Variants in CSNK2A2 observed in about 807,000 individuals in gnomAD.
CSNK2A2 encodes casein kinase II subunit alpha'.
In CSNK2A2, 8 loss-of-function variants were observed where a neutral mutation model predicts 54.0. The observed-to-expected ratio is 0.15, with a 90% CI of 0.09 to 0.27. The LOEUF (loss-of-function observed/expected upper bound fraction) is 0.27. Ranked by LOEUF, CSNK2A2 falls within the 10% of genes least tolerant of loss-of-function variation. The pLI is 1.00. For missense variants in CSNK2A2, 242 were observed against 439.4 expected (o/e 0.55, Z 4.02); for synonymous variants, 141 against 153.9 (o/e 0.92, Z 0.62).
intron 9 of CSNK2A2, among the ~76,000 whole-genome samples, chr16:58,165,915 G>A (rs1448242579): frequency 1.3e-5 from 2 of 152,096 alleles, no homozygotes; most frequent in African/African-American, 4.8e-5. Flanking sequence ...ATACAACTAG[G>A]TAAAACTTCT....
intron 4 of CSNK2A2, among the ~76,000 whole-genome samples, chr16:58,181,641 G>T (rs768666606): frequency 5.3e-5 from 8 of 152,170 alleles, no homozygotes; most frequent in African/African-American, 1.9e-4. Context: ...AAAAGAACAG[G>T]ATACTATTTT....
chr16:58,179,725 T>C (rs1961978417), intron 4 of CSNK2A2, among the ~76,000 whole-genome samples: 1 of 152,136 alleles, frequency 6.6e-6, no homozygotes, highest in Admixed American at 6.5e-5. Flanking sequence ...TCCATAACCA[T>C]GGGATACACG....
chr16:58,165,836 T>G, intron 9 of CSNK2A2, 128 bp from the exon 10 acceptor site: 1 of 990,492 alleles, frequency 1.0e-6, no homozygotes, highest in East Asian at 2.7e-5. Context: ...CTCTAACTGG[T>G]GCCTGCCCTA....
chr16:58,182,411 C>T (rs1962072629), intron 4 of CSNK2A2, among the ~76,000 whole-genome samples: 1 of 116,924 alleles, frequency 8.6e-6, no homozygotes, highest in Non-Finnish European at 1.7e-5. Flanking sequence ...AAAAACTAGC[C>T]AGGCGTGGTG....
At chr16:58,165,849 G>T in intron 9 of CSNK2A2, 141 bp from the exon 10 acceptor site, 1 of 784,324 alleles carries the variant, frequency 1.3e-6, no homozygotes, top group Non-Finnish European at 1.9e-6. Flanking sequence ...CTGCCCTACG[G>T]CCCCATAGTT....
chr16:58,174,025 G>C (rs891502403), intron 5 of CSNK2A2: 2 of 153,480 alleles, frequency 1.3e-5, no homozygotes, highest in African/African-American at 4.8e-5. Flanking sequence ...CCTAGATTGT[G>C]AATGAGGTCA....
At chr16:58,188,349 T>C (rs1962244007) in intron 2 of CSNK2A2, among the ~76,000 whole-genome samples, 1 of 152,162 alleles carries the variant, frequency 6.6e-6, no homozygotes, top group Non-Finnish European at 1.5e-5. Flanking sequence ...CCTTAGTCCC[T>C]TTTTCATTAA....
At chr16:58,189,759 G>C (rs1597124508) in intron 2 of CSNK2A2, among the ~76,000 whole-genome samples, 1 of 152,120 alleles carries the variant, frequency 6.6e-6, no homozygotes, top group East Asian at 1.9e-4. Flanking sequence ...AAAATACCAA[G>C]AAATGATAAA....
At chr16:58,174,830 T>C (rs1961834272) in intron 4 of CSNK2A2, among the ~76,000 whole-genome samples, 1 of 152,184 alleles carries the variant, frequency 6.6e-6, no homozygotes, top group South Asian at 2.1e-4. Flanking sequence ...GAAGTCTAAG[T>C]TGTCTGTCTT....
At chr16:58,174,234 T>A (rs140428723) in intron 5 of CSNK2A2, 34 of 457,430 alleles carry the variant, frequency 7.4e-5, no homozygotes, top group African/African-American at 6.5e-4. Flanking sequence ...AGGTATAATG[T>A]CCCTGGTACC....
In CSNK2A2 at chr16:58,182,640, G is replaced by A. The variant is rs144595472; in HGVS notation, c.369+1620C>T. On this transcript the variant is annotated intron_variant, in intron 4 of 11. Coordinates refer to ENST00000262506, the MANE Select transcript of CSNK2A2 (RefSeq NM_001896.4). ...AGACAATTGGTAAAAACTCATTAAC[G>A]AAGCCCAGGCATTTAAAACTTGGGG... 4.1e-3 allele frequency among the ~76,000 whole-genome samples: 625 copies of A among 151,342 alleles called. 6 individuals are homozygous for A. The highest frequency in any genetic ancestry group is 0.014 in the African/African-American group (585 of 41,168).
intron 11 of CSNK2A2, chr16:58,162,665 T>C (rs892393793): frequency 6.6e-6 from 1 of 152,254 alleles, no homozygotes; most frequent in Non-Finnish European, 1.5e-5. Flanking sequence ...CCTCTAGTTC[T>C]AGCCTAGGTG....
rs549501546 is a variant in CSNK2A2, at chr16:58,173,341, T to C, written c.429+1110A>G. 4.6e-5 allele frequency among the ~76,000 whole-genome samples: 7 copies of C among 152,268 alleles called. 1 individual carries two copies. The South Asian group carries it at 1.5e-3, about 32-fold the overall frequency. The stretch of plus-strand genomic sequence containing the variant: ...ACAAGTTCTTATAAAAACACATTCA[T>C]TTCATAGAACTGTTCTTAAGATCTA... On this transcript the variant is annotated intron_variant, in intron 5 of 11. Transcript: ENST00000262506.
In CSNK2A2 at chr16:58,167,191, G is replaced by T. The variant is rs756919461; in HGVS notation, c.726+16C>A. On this transcript the variant is annotated intron_variant, in intron 8 of 11. Coordinates refer to ENST00000262506, the MANE Select transcript of CSNK2A2 (RefSeq NM_001896.4). Reference sequence around the variant, plus strand: ...TTCACCCCCAAATAAATAAGAACCAGAAAGCATTTGCTCACCTGGTCATAG... The same window carrying T: ...TTCACCCCCAAATAAATAAGAACCATAAAGCATTTGCTCACCTGGTCATAG... 1.9e-6 allele frequency: 3 copies of T among 1,588,062 alleles called. No homozygotes were observed. In the African/African-American group the frequency reaches 4.1e-5, roughly 22 times the overall value.
At chr16:58,181,641 G>C (rs768666606) in intron 4 of CSNK2A2, among the ~76,000 whole-genome samples, 19 of 152,052 alleles carry the variant, frequency 1.2e-4, no homozygotes, top group Non-Finnish European at 2.5e-4. Context: ...AAAAGAACAG[G>C]ATACTATTTT....
chr16:58,185,836 T>C (rs1253015980), intron 3 of CSNK2A2, among the ~76,000 whole-genome samples: 1 of 152,236 alleles, frequency 6.6e-6, no homozygotes, highest in Non-Finnish European at 1.5e-5. Flanking sequence ...TTCTCATCTG[T>C]ACAATGTAAA....
rs532077114 is a variant in CSNK2A2 at position 58,167,666 on chromosome 16, G to C, written c.624+19C>G. 1 of 1,569,746 alleles carries C rather than the reference G, an allele frequency of 6.4e-7. No homozygotes were observed. Among genetic ancestry groups the C allele is most frequent in the East Asian group, 2.2e-5 (1 of 44,686 alleles). On this transcript the variant is annotated intron_variant, in intron 7 of 11. Coordinates refer to ENST00000262506, the MANE Select transcript of CSNK2A2 (RefSeq NM_001896.4). ...AAGCAAGTATAAATAACCCAGAATA[G>C]CTCTGCTAACAAGTTTACCTGATAG...
At chr16:58,175,587 T>C (rs1027543429) in intron 4 of CSNK2A2, among the ~76,000 whole-genome samples, 1 of 152,188 alleles carries the variant, frequency 6.6e-6, no homozygotes, top group Non-Finnish European at 1.5e-5. Flanking sequence ...CGTATATATG[T>C]GTAAAGGAAT....
At chr16:58,163,921 C>T in intron 11 of CSNK2A2, 133 bp downstream of exon 11, 2 of 685,404 alleles carry the variant, frequency 2.9e-6, no homozygotes. Flanking sequence ...TGCTTTTTGA[C>T]AGACTTTTAG....
Sources: allele counts gnomAD v4.1 joint callset (sites outside exome capture counted in the v4.1 genomes callset), GRCh38; gene constraint gnomAD v4.1.1; transcripts MANE v1.5; gene names NCBI Gene and HGNC (gene_info 2026-07-23, HGNC 2026-07-21).